Variants in MMP26 observed in about 807,000 individuals in gnomAD.
MMP26 encodes the protein matrix metallopeptidase 26, also known as matrix metalloproteinase-26.
A neutral mutation model predicts 31.0 loss-of-function variants in MMP26; 33 were observed. The observed-to-expected ratio is 1.06, with a 90% CI of 0.81 to 1.42. The LOEUF is 1.42. Among genes scored for constraint, MMP26 ranks in the 40% most tolerant of loss-of-function variants. The pLI, the probability that MMP26 is intolerant of heterozygous loss-of-function variation, is 0.00. For synonymous variants in MMP26, 122 were observed against 114.9 expected, an observed-to-expected ratio of 1.06 and a Z score of -0.40; for missense variants, 347 against 316.1, an observed-to-expected ratio of 1.10 and a Z score of -0.74.
intron 2 of MMP26, among the ~76,000 whole-genome samples, chr11:4,911,895 T>C (rs1416129920): frequency 6.6e-6 from 1 of 152,184 alleles, no homozygotes; most frequent in Non-Finnish European, 1.5e-5. Context: ...TATATTCCTA[T>C]AATGTGTGCT....
chr11:4,706,756 C>T lies in MMP26; in HGVS notation c.-217+1711C>T, dbSNP rs114298022. On this transcript the variant is annotated intron_variant, in intron 1 of 7. Coordinates refer to ENST00000380390, the MANE Select transcript of MMP26 (RefSeq NM_021801.5). ...TAACTGAAACTTTATACCTGTTTAA[C>T]AGCATCTCCCCCATTTTTCCCTCTC... Among the ~76,000 whole-genome samples, 375 of 152,252 alleles carry T rather than the reference C, an allele frequency of 2.5e-3. 2 individuals carry two copies. Among genetic ancestry groups the T allele is most frequent in the African/African-American group, 8.6e-3 (357 of 41,564 alleles).
intron 2 of MMP26, chr11:4,943,502 G>C (rs1486832944): frequency 2.2e-6 from 1 of 456,034 alleles, no homozygotes; most frequent in Admixed American, 2.4e-5. Flanking sequence ...TTAATGCTTG[G>C]CACCACTGAC....
At chr11:4,919,843 C>A (rs1417299332) in intron 2 of MMP26, among the ~76,000 whole-genome samples, 2 of 152,098 alleles carry the variant, frequency 1.3e-5, no homozygotes, top group Non-Finnish European at 2.9e-5. Context: ...GCTCAGGTAA[C>A]CCTATATGCT....
intron 2 of MMP26, chr11:4,821,995 A>T: frequency 6.2e-7 from 1 of 1,614,042 alleles, no homozygotes; most frequent in Non-Finnish European, 8.5e-7. Flanking sequence ...ACTCTCCTGC[A>T]CAGACAATAG....
Position 4,743,741 on chromosome 11 carries a change from A to C in MMP26, c.-216-23529A>C, listed in dbSNP as rs74636500. On this transcript the variant is annotated intron_variant, in intron 1 of 7. Coordinates refer to ENST00000380390, the MANE Select transcript of MMP26 (RefSeq NM_021801.5). ...TTCCCATATTGTTTGATTCTGCTTA[A>C]ATAATCACATTATTTTAACAACAGA... 6.0e-3 allele frequency among the ~76,000 whole-genome samples: 919 copies of C among 152,312 alleles called. 16 individuals are homozygous for C. The highest frequency in any genetic ancestry group is 0.021 in the African/African-American group (857 of 41,560).
chr11:4,743,130 G>A lies in MMP26; in HGVS notation c.-216-24140G>A, dbSNP rs140531100. ...ATAAACTATAGTGTTACACATGTAT[G>A]TGAATTATTAAAAAGGCAAGTGTTT... On this transcript the variant is annotated intron_variant, in intron 1 of 7. Coordinates refer to ENST00000380390, the MANE Select transcript of MMP26 (RefSeq NM_021801.5). Among the ~76,000 whole-genome samples the A allele has an allele frequency of 7.4e-3, 1,132 of 152,162 alleles. 4 individuals carry two copies. The highest frequency in any genetic ancestry group is 0.014 in the Middle Eastern group (4 of 294).
Position 4,868,220 on chromosome 11 carries a change from A to G in MMP26, c.-145+100879A>G, listed in dbSNP as rs117866869. 4.7e-3 allele frequency among the ~76,000 whole-genome samples: 718 copies of G among 152,190 alleles called. 14 individuals carry two copies. The highest frequency in any genetic ancestry group is 0.027 in the East Asian group (137 of 5,156). Reference sequence around the variant, plus strand: ...GAGAACACATGGACACATGGGGGGAACAACACACACTCAGGTGTGCTGGAG... The same window carrying G: ...GAGAACACATGGACACATGGGGGGAGCAACACACACTCAGGTGTGCTGGAG... On this transcript the variant is annotated intron_variant, in intron 2 of 7. Coordinates refer to ENST00000380390, the MANE Select transcript of MMP26 (RefSeq NM_021801.5).
intron 2 of MMP26, chr11:4,882,541 G>T (rs377572471): frequency 5.5e-5 from 88 of 1,613,868 alleles, no homozygotes; most frequent in Non-Finnish European, 7.4e-5. Flanking sequence ...CTGACGTATT[G>T]TTTATTCTTT....
At chr11:4,940,866 GT>G (rs1846196430) in intron 2 of MMP26, among the ~76,000 whole-genome samples, 1 of 152,088 alleles carries the variant, frequency 6.6e-6, no homozygotes, top group Non-Finnish European at 1.5e-5. Flanking sequence ...TCAGCTAGTT[GT>G]TTTAGCGTCC....
At chr11:4,942,584 A>G (rs551460158) in intron 2 of MMP26, among the ~76,000 whole-genome samples, 36 of 152,320 alleles carry the variant, frequency 2.4e-4, no homozygotes, top group Non-Finnish European at 4.4e-4. Flanking sequence ...TTTTAAAATA[A>G]TGATTGGCTA....
At chr11:4,715,976 A>G (rs531837866) in intron 1 of MMP26, among the ~76,000 whole-genome samples, 7 of 152,350 alleles carry the variant, frequency 4.6e-5, no homozygotes, top group African/African-American at 1.4e-4. Flanking sequence ...AAGTCTTTAA[A>G]AGAGAGAAGA....
chr11:4,986,932 C>CTCTCTCCCTCTCTCTCTCTCT lies in MMP26; in HGVS notation c.-144-1136_-144-1135insTCTCTCCCTCTCTCTCTCTCT, dbSNP rs1564819722. ...CTCTCTCTCTCTCTCTCTCTCTCTCCCTCTCTCTCTCTCTCTCTCTCTCTC... is the reference window on the plus strand; with the variant it reads ...CTCTCTCTCTCTCTCTCTCTCTCTCCTCTCTCCCTCTCTCTCTCTCTCTCTCTCTCTCTCTCTCTCTCTCTC... On this transcript the variant is annotated intron_variant, in intron 2 of 7. Coordinates refer to ENST00000380390, the MANE Select transcript of MMP26 (RefSeq NM_021801.5). 8.3e-5 allele frequency among the ~76,000 whole-genome samples: 5 copies of CTCTCTCCCTCTCTCTCTCTCT among 60,446 alleles called. No individual in the cohort carries two copies. The East Asian group carries it at 1.4e-3, about 17-fold the overall frequency. The allele number at this position is 60,446 out of a possible 152,430, so 39.7% of individuals were successfully genotyped here.
intron 2 of MMP26, among the ~76,000 whole-genome samples, chr11:4,790,793 C>T (rs1376504181): frequency 6.6e-6 from 1 of 152,098 alleles, no homozygotes; most frequent in African/African-American, 2.4e-5. Context: ...TCTAGGTTAA[C>T]CATGCCAACT....
intron 2 of MMP26, among the ~76,000 whole-genome samples, chr11:4,767,576 C>T (rs1324444225): frequency 6.6e-6 from 1 of 151,980 alleles, no homozygotes; most frequent in Non-Finnish European, 1.5e-5. Context: ...GTTCTCAATG[C>T]TATTAAATTA....
intron 2 of MMP26, among the ~76,000 whole-genome samples, chr11:4,924,821 C>T (rs1038993659): frequency 1.1e-4 from 17 of 152,264 alleles, no homozygotes; most frequent in Admixed American, 5.9e-4. Context: ...AATGAGGAAA[C>T]GAAACCAGAA....
At chr11:4,749,970 A>C (rs1415672239) in intron 1 of MMP26, among the ~76,000 whole-genome samples, 2 of 152,174 alleles carry the variant, frequency 1.3e-5, no homozygotes, top group African/African-American at 2.4e-5. Context: ...CAGCAAAAGA[A>C]ATTAATCAAC....
At chr11:4,784,431 G>A (rs1246993812) in intron 2 of MMP26, among the ~76,000 whole-genome samples, 3 of 152,200 alleles carry the variant, frequency 2.0e-5, no homozygotes, top group African/African-American at 7.2e-5. Flanking sequence ...TTTGGAAAAG[G>A]GGTCTTTGCA....
chr11:4,841,601 C>T (rs1849797054), intron 2 of MMP26, among the ~76,000 whole-genome samples: 1 of 152,084 alleles, frequency 6.6e-6, no homozygotes, highest in South Asian at 2.1e-4. Flanking sequence ...CCCAGACAAA[C>T]AAAGTTGAGA....
At chr11:4,944,892 A>C (rs1419300130) in intron 2 of MMP26, 1 of 152,164 alleles carries the variant, frequency 6.6e-6, no homozygotes, top group Non-Finnish European at 1.5e-5. Flanking sequence ...CTCCTCAGTG[A>C]ACATCTTTTT....
Sources: allele counts gnomAD v4.1 joint callset (sites outside exome capture counted in the v4.1 genomes callset), GRCh38; gene constraint gnomAD v4.1.1; transcripts MANE v1.5; gene names NCBI Gene and HGNC (gene_info 2026-07-23, HGNC 2026-07-21).